Variants in ETV1 observed in about 807,000 individuals in gnomAD.
ETV1 encodes the protein ETS translocation variant 1.
In ETV1, 27 loss-of-function variants were observed where a neutral mutation model predicts 62.3. The observed-to-expected ratio is 0.43, with a 90% confidence interval of 0.32 to 0.60. The LOEUF (loss-of-function observed/expected upper bound fraction) is 0.60. Among genes scored for constraint, ETV1 ranks in the 20% least tolerant of loss-of-function variants. The pLI, the probability that ETV1 is intolerant of heterozygous loss-of-function variation, is 0.06. For missense variants in ETV1, 605 were observed against 605.8 expected (o/e 1.00, Z 0.01); for synonymous variants, 222 against 199.6 (o/e 1.11, Z -0.94).
chr7:13,981,530 T>C (rs1015227241), intron 5 of ETV1, among the ~76,000 whole-genome samples: 1 of 131,518 alleles, frequency 7.6e-6, no homozygotes, highest in African/African-American at 2.8e-5. Flanking sequence ...CATACATACA[T>C]ACATATATAT....
chr7:13,985,166 A>C (rs2046606073), intron 5 of ETV1, among the ~76,000 whole-genome samples: 1 of 152,096 alleles, frequency 6.6e-6, no homozygotes, highest in African/African-American at 2.4e-5. Context: ...TAATGTTCTC[A>C]CAACCTTTGA....
chr7:13,972,130 A>G (rs889015812), intron 6 of ETV1, among the ~76,000 whole-genome samples: 3 of 151,992 alleles, frequency 2.0e-5, no homozygotes, highest in African/African-American at 7.2e-5. Flanking sequence ...AAAAAATGAT[A>G]TAACTAAATT....
intron 9 of ETV1, among the ~76,000 whole-genome samples, chr7:13,912,668 A>G (rs938946028): frequency 2.6e-5 from 4 of 152,218 alleles, no homozygotes; most frequent in African/African-American, 9.6e-5. Flanking sequence ...ACTCTAGTGT[A>G]AATAAAATTA....
At chr7:13,896,800 A>T (rs908517157) in intron 13 of ETV1, among the ~76,000 whole-genome samples, 1 of 112,584 alleles carries the variant, frequency 8.9e-6, no homozygotes, top group Admixed American at 9.0e-5. Context: ...AAGGATACAC[A>T]GCCTCATTTA....
At position 13,935,833 on chromosome 7, in the gene ETV1, C is replaced by T. The variant is rs774904306; in HGVS notation, c.429G>A (p.Thr143=). Residue 143 remains threonine, a synonymous_variant, in exon 8 of 14, where the codon ACG becomes ACA. Transcript: ENST00000430479. ...RPSNPPTPSS[T]PVSPLHHASP... is the part of the protein sequence containing the mutation. ...ATGCATGATGCAGTGGGGACACTGG[C>T]GTGCTGGATGGTGTGGGGGGGTTGG... The T allele has an allele frequency of 5.6e-5, 90 of 1,613,520 alleles. 1 individual carries two copies. In the South Asian group the frequency reaches 7.6e-4, roughly 14 times the overall value.
chr7:13,971,049 G>A (rs563093099), intron 6 of ETV1, among the ~76,000 whole-genome samples: 1 of 152,178 alleles, frequency 6.6e-6, no homozygotes, highest in East Asian at 1.9e-4. Flanking sequence ...TTGGCTCACG[G>A]CAACCTCTAC....
chr7:13,941,793 C>A (rs1182662149), intron 6 of ETV1, among the ~76,000 whole-genome samples: 1 of 151,946 alleles, frequency 6.6e-6, no homozygotes, highest in East Asian at 1.9e-4. Flanking sequence ...TCACTTGAAC[C>A]CGCGAAGCAG....
intron 10 of ETV1, among the ~76,000 whole-genome samples, chr7:13,910,265 C>A (rs1783431985): frequency 7.9e-6 from 1 of 126,292 alleles, no homozygotes. Context: ...GGTAAGTCCA[C>A]AGAAAAAAAT....
intron 13 of ETV1, among the ~76,000 whole-genome samples, chr7:13,898,279 T>C (rs1233923784): frequency 6.6e-6 from 1 of 152,168 alleles, no homozygotes; most frequent in African/African-American, 2.4e-5. Context: ...AAATCAAAAG[T>C]AAACAAGGAG....
rs111503171 is a variant in ETV1 at position 13,966,685 on chromosome 7, T to C, written c.235+10742A>G. 6.9e-3 allele frequency among the ~76,000 whole-genome samples: 1,050 copies of C among 152,024 alleles called. 11 individuals carry two copies. The highest frequency in any genetic ancestry group is 0.024 in the African/African-American group (987 of 41,480). Reference sequence around the variant, plus strand: ...AACAAACAAACAAAAAAACCTAAAATTACATGAAACCTAAGCACATTTTCT... The same window carrying C: ...AACAAACAAACAAAAAAACCTAAAACTACATGAAACCTAAGCACATTTTCT... On this transcript the variant is annotated intron_variant, in intron 6 of 13. Coordinates refer to ENST00000430479, the MANE Select transcript of ETV1 (RefSeq NM_004956.5).
At chr7:13,962,462 C>T (rs1429845404) in intron 6 of ETV1, among the ~76,000 whole-genome samples, 2 of 152,034 alleles carry the variant, frequency 1.3e-5, no homozygotes, top group Non-Finnish European at 2.9e-5. Flanking sequence ...AACATCAACA[C>T]TATCAGCAGC....
At chr7:13,954,101 A>C (rs1276631964) in intron 6 of ETV1, among the ~76,000 whole-genome samples, 4 of 152,340 alleles carry the variant, frequency 2.6e-5, no homozygotes, top group African/African-American at 9.6e-5. Flanking sequence ...GCTTTGAAAT[A>C]ATAACTACTA....
Position 13,949,110 on chromosome 7 carries a change from G to T in ETV1, c.236-9864C>A, listed in dbSNP as rs78210136. 3.5e-4 allele frequency among the ~76,000 whole-genome samples: 53 copies of T among 151,996 alleles called. 1 individual carries two copies. In the East Asian group the frequency reaches 9.7e-3, roughly 28 times the overall value. ...ACTGAAAAAGTCAAAACAAATCATA[G>T]TGTGGATACTAAAGTGCTTGTAAAA... On this transcript the variant is annotated intron_variant, in intron 6 of 13. Transcript: ENST00000430479.
intron 6 of ETV1, among the ~76,000 whole-genome samples, chr7:13,953,074 G>A (rs1352677839): frequency 6.6e-6 from 1 of 152,088 alleles, no homozygotes; most frequent in East Asian, 1.9e-4. Flanking sequence ...AAATCAGATC[G>A]TCCTACCCCT....
intron 5 of ETV1, chr7:13,986,040 A>C: frequency 8.5e-7 from 1 of 1,180,246 alleles, no homozygotes. Flanking sequence ...ATAGTAACAC[A>C]TGGAAAACAT....
intron 6 of ETV1, among the ~76,000 whole-genome samples, chr7:13,956,702 A>T (rs1021803929): frequency 1.1e-4 from 16 of 152,356 alleles, no homozygotes; most frequent in African/African-American, 3.6e-4. Flanking sequence ...TATCTTGGGC[A>T]GAGCATTTTG....
Position 13,894,327 on chromosome 7 carries a change from C to T in ETV1, c.*1539G>A, listed in dbSNP as rs1230218730. The stretch of plus-strand genomic sequence containing the variant: ...TTTTCAAGGTGAATGAAACAACATA[C>T]CCTGCTTTCAATATTTTCTCCAAAT... On this transcript the variant is annotated 3_prime_UTR_variant, in exon 14 of 14. Transcript: ENST00000430479. The T allele has an allele frequency of 3.0e-5, 7 of 232,416 alleles. No homozygotes were observed. The highest frequency in any genetic ancestry group is 1.5e-4 in the African/African-American group (7 of 45,236). 14.4% of individuals were successfully genotyped at this position (232,416 alleles called of 1,614,324 possible).
chr7:13,940,263 G>A (rs1159921636), intron 6 of ETV1, among the ~76,000 whole-genome samples: 1 of 151,794 alleles, frequency 6.6e-6, no homozygotes, highest in Non-Finnish European at 1.5e-5. Context: ...TTGGGAGGCT[G>A]AGGCGGGAGA....
chr7:13,950,941 C>CACACACACACACA (rs796670451), intron 6 of ETV1, among the ~76,000 whole-genome samples: 1 of 147,108 alleles, frequency 6.8e-6, no homozygotes, highest in South Asian at 2.2e-4. Flanking sequence ...CACACACACA[C>CACACACACACACA]AATATCGAGC....
Sources: allele counts gnomAD v4.1 joint callset (sites outside exome capture counted in the v4.1 genomes callset), GRCh38; gene constraint gnomAD v4.1.1; transcripts MANE v1.5; gene names NCBI Gene and HGNC (gene_info 2026-07-23, HGNC 2026-07-21).